The following VPS35L variants were observed in gnomAD, a reference collection of about 807,000 sequenced individuals.
The protein encoded by VPS35L is VPS35 endosomal protein sorting factor like.
Under a neutral mutation model 133.0 loss-of-function variants are expected in VPS35L, and 83 were observed. The ratio of observed to expected loss-of-function variants is 0.62; its 90% CI spans 0.52 to 0.75. The LOEUF (loss-of-function observed/expected upper bound fraction) is 0.75. Ranked by LOEUF, VPS35L falls within the 30% of genes least tolerant of loss-of-function variation. The pLI is 0.00. For missense variants in VPS35L, 1,083 were observed against 1,206.8 expected, an observed-to-expected ratio of 0.90 and a Z score of 1.52; for synonymous variants, 423 against 449.9, an observed-to-expected ratio of 0.94 and a Z score of 0.76.
chr16:19,686,784 C>T (rs1007705369), intron 28 of VPS35L, among the ~76,000 whole-genome samples: 12 of 152,100 alleles, frequency 7.9e-5, no homozygotes, highest in South Asian at 4.2e-4. Context: ...ATAAATTCCT[C>T]CCTTCTCACC....
At position 19,701,110 on chromosome 16, in the gene VPS35L, T is replaced by C. The variant is rs1176927276; in HGVS notation, c.*634T>C. 6.6e-6 allele frequency: 1 copy of C among 152,286 alleles called. No homozygotes were observed. The highest frequency in any genetic ancestry group is 2.4e-5 in the African/African-American group (1 of 41,456). 9.4% of individuals were successfully genotyped at this position (152,286 alleles called of 1,614,324 possible). On this transcript the variant is annotated 3_prime_UTR_variant, in exon 31 of 31. Coordinates refer to ENST00000417362, the MANE Select transcript of VPS35L (RefSeq NM_020314.7). ...CTTCAGTATACAGTAACTGAATAAA[T>C]GTCCTGAAGGAGCATTTATGTTCAT... is the stretch of plus-strand genomic sequence containing the variant.
chr16:19,625,074 T>A (rs1597372482), intron 14 of VPS35L, among the ~76,000 whole-genome samples: 2 of 148,570 alleles, frequency 1.3e-5, no homozygotes, highest in East Asian at 2.0e-4. Flanking sequence ...TCCAATGAGT[T>A]AAAAAAAAAA....
chr16:19,647,762 G>A (rs569278836), intron 23 of VPS35L, 22 bp from the exon 24 acceptor site: 2 of 1,589,388 alleles, frequency 1.3e-6, no homozygotes, highest in South Asian at 2.2e-5. Context: ...GTCCCTTTCA[G>A]CGTCTTTCTC....
At chr16:19,619,987 G>C (rs1192371733) in intron 14 of VPS35L, among the ~76,000 whole-genome samples, 1 of 152,124 alleles carries the variant, frequency 6.6e-6, no homozygotes, top group Admixed American at 6.6e-5. Flanking sequence ...GCAGCAATTG[G>C]TAATATACAG....
At chr16:19,569,380 G>A in intron 2 of VPS35L, 44 bp from the exon 3 acceptor site, 1 of 1,593,350 alleles carries the variant, frequency 6.3e-7, no homozygotes, top group Non-Finnish European at 8.6e-7. Context: ...TCACTGGAGA[G>A]AGTTGTGGGA....
At chr16:19,573,372 C>G (rs1253462724) in intron 4 of VPS35L, 131 bp downstream of exon 4, 2 of 1,055,472 alleles carry the variant, frequency 1.9e-6, no homozygotes, top group African/African-American at 1.6e-5. Flanking sequence ...CTTAAAAGCT[C>G]ACATATAAGG....
Position 19,644,262 on chromosome 16 carries a change from C to CA in VPS35L, c.1866-617dup, listed in dbSNP as rs556673738. 5.9e-5 allele frequency among the ~76,000 whole-genome samples: 9 copies of CA among 151,834 alleles called. No individual in the cohort carries two copies. In the East Asian group the frequency reaches 1.5e-3, roughly 26 times the overall value. ...ACCTGAGATTTACTTTACAATGTAT[C>CA]AAAAAAATAAGATGGATTGATGGAT... On this transcript the variant is annotated intron_variant, in intron 22 of 30. Coordinates refer to ENST00000417362, the MANE Select transcript of VPS35L (RefSeq NM_020314.7).
chr16:19,605,809 A>G (rs1424054310), intron 9 of VPS35L, among the ~76,000 whole-genome samples: 1 of 152,084 alleles, frequency 6.6e-6, no homozygotes, highest in East Asian at 1.9e-4. Context: ...GTTAGATATT[A>G]TCTTATTTGT....
chr16:19,599,446 A>G (rs1972314368), intron 8 of VPS35L, among the ~76,000 whole-genome samples: 2 of 152,192 alleles, frequency 1.3e-5, no homozygotes, highest in South Asian at 4.1e-4. Flanking sequence ...GTGTCTGCCT[A>G]AATCAGTGGT....
At chr16:19,661,052 A>G (rs1189168480) in intron 26 of VPS35L, among the ~76,000 whole-genome samples, 1 of 125,950 alleles carries the variant, frequency 7.9e-6, no homozygotes, top group East Asian at 2.1e-4. Context: ...TTCACTCTCC[A>G]TTTATCTATA....
chr16:19,700,598 A>AAAG lies in VPS35L; in HGVS notation c.*124_*125insGAA. The AAAG allele has an allele frequency of 1.2e-6, 1 of 800,094 alleles. No individual in the cohort carries two copies. The highest frequency in any genetic ancestry group is 2.0e-6 in the Non-Finnish European group (1 of 496,564). The allele number at this position is 800,094 out of a possible 1,614,324, so 49.6% of individuals were successfully genotyped here. The stretch of plus-strand genomic sequence containing the variant: ...TTTTCTTTTCTTTTTACATATGTAC[A>AAAG]AATTGTTTTAAGCTTTGGCCTCTAT... On this transcript the variant is annotated 3_prime_UTR_variant, in exon 31 of 31. Transcript: ENST00000417362.
At chr16:19,596,630 T>C (rs1008348765) in intron 8 of VPS35L, among the ~76,000 whole-genome samples, 3 of 152,008 alleles carry the variant, frequency 2.0e-5, no homozygotes, top group Non-Finnish European at 4.4e-5. Context: ...ATCCCACCTG[T>C]AATAGCAAAC....
intron 28 of VPS35L, among the ~76,000 whole-genome samples, chr16:19,690,611 C>T (rs4513081): frequency 0.011 from 1,600 of 152,222 alleles, 28 homozygotes; most frequent in African/African-American, 0.037. Context: ...TTTAGGATCC[C>T]AGCTAGGACC....
At chr16:19,592,135 C>T (rs1396971857) in intron 8 of VPS35L, among the ~76,000 whole-genome samples, 4 of 151,214 alleles carry the variant, frequency 2.6e-5, no homozygotes, top group South Asian at 2.1e-4. Context: ...AGGGCAGTGG[C>T]GCAGTCATGG....
intron 28 of VPS35L, 33 bp downstream of exon 28, chr16:19,682,423 G>T (rs142327578): frequency 1.3e-6 from 2 of 1,592,194 alleles, no homozygotes; most frequent in Non-Finnish European, 1.7e-6. Context: ...ACCATGCTCC[G>T]CATGGATTTC....
chr16:19,639,482 C>A lies in VPS35L; in HGVS notation c.1699-533C>A, dbSNP rs1973720110. Among the ~76,000 whole-genome samples the A allele has an allele frequency of 6.6e-6, 1 of 152,160 alleles. No homozygotes were observed. The highest frequency in any genetic ancestry group is 2.4e-5 in the African/African-American group (1 of 41,444). Reference sequence around the variant, plus strand: ...ATGTTAACTGGTCCCAGCACCAATCCCTGGAATGCATATAAGTTGTTTTAA... The same window carrying A: ...ATGTTAACTGGTCCCAGCACCAATCACTGGAATGCATATAAGTTGTTTTAA... On this transcript the variant is annotated intron_variant, in intron 20 of 30. Coordinates refer to ENST00000417362, the MANE Select transcript of VPS35L (RefSeq NM_020314.7). This position sits in a 1 kb window ranked among gnomAD's most constrained non-coding sequence, Gnocchi z 4.1.
chr16:19,638,254 A>G (rs1973681101), intron 20 of VPS35L, among the ~76,000 whole-genome samples: 1 of 152,172 alleles, frequency 6.6e-6, no homozygotes, highest in South Asian at 2.1e-4. Flanking sequence ...AAGATTTTTT[A>G]TTTTAATCAT....
chr16:19,566,202 A>C (rs1481236574), intron 2 of VPS35L, among the ~76,000 whole-genome samples: 1 of 152,130 alleles, frequency 6.6e-6, no homozygotes, highest in East Asian at 1.9e-4. Context: ...CCCATGTTAA[A>C]AGAAAATTCT....
chr16:19,582,238 AAAG>A (rs1233455397), intron 7 of VPS35L, among the ~76,000 whole-genome samples: 2 of 152,210 alleles, frequency 1.3e-5, no homozygotes, highest in African/African-American at 4.8e-5. Flanking sequence ...TCTTGGTCCT[AAAG>A]ATCCTGCTGT....
Sources: allele counts gnomAD v4.1 joint callset (sites outside exome capture counted in the v4.1 genomes callset), GRCh38; gene constraint gnomAD v4.1.1; non-coding constraint Gnocchi (gnomAD v3.1); transcripts MANE v1.5; gene names NCBI Gene and HGNC (gene_info 2026-07-23, HGNC 2026-07-21).